Variants in TLE2 observed in about 807,000 individuals in gnomAD.
TLE2 encodes the protein transducin-like enhancer protein 2.
A neutral mutation model predicts 97.2 loss-of-function variants in TLE2; 74 were observed. That is an observed-to-expected ratio of 0.76 (90% CI 0.63 to 0.92). The LOEUF (loss-of-function observed/expected upper bound fraction) is 0.92, where lower values mean the gene tolerates loss of function less well. Ranked by LOEUF, TLE2 falls within the 40% of genes least tolerant of loss-of-function variation. The probability of loss-of-function intolerance (pLI) is 0.00; values close to 1 mark genes in which losing one functional copy is unlikely to be tolerated. For missense variants in TLE2, 1,038 were observed against 1,008.7 expected (o/e 1.03, Z -0.39); for synonymous variants, 499 against 432.1 (o/e 1.15, Z -1.92).
At chr19:3,036,094 G>A (rs890502346) in intron 1 of TLE2, among the ~76,000 whole-genome samples, 1 of 152,248 alleles carries the variant, frequency 6.6e-6, no homozygotes, top group East Asian at 1.9e-4. Flanking sequence ...GCGAAGAGCT[G>A]AAGCTCTTAC....
chr19:3,012,107 G>A (rs10414425), intron 11 of TLE2, among the ~76,000 whole-genome samples: 33,608 of 151,808 alleles, frequency 0.22, 3,806 homozygotes, highest in Admixed American at 0.25. Context: ...TTAGCCAGGC[G>A]TGGTGGCACG....
At chr19:3,010,750 G>A (rs2089577619) in intron 12 of TLE2, among the ~76,000 whole-genome samples, 1 of 152,174 alleles carries the variant, frequency 6.6e-6, no homozygotes, top group Non-Finnish European at 1.5e-5. Flanking sequence ...ACCCAAGTCT[G>A]TCTGGCCCCA....
chr19:3,019,580 C>G lies in TLE2; in HGVS notation c.370-117G>C, dbSNP rs564303197. On this transcript the variant is annotated intron_variant, in intron 6 of 19. Transcript: ENST00000262953. The surrounding 1 kb of genome is among the most constrained non-coding windows in gnomAD (Gnocchi z 5.1). ...AAGCACAGCATGTGCCCCTGGGGTT[C>G]CCAGGACCACTGGAGCCAAGGCCCA... is the stretch of plus-strand genomic sequence containing the variant. 2.9e-5 allele frequency: 43 copies of G among 1,507,440 alleles called. No individual in the cohort carries two copies. The African/African-American group carries it at 4.4e-4, about 15-fold the overall frequency. The allele number at this position is 1,507,440 out of a possible 1,614,324, so 93.4% of individuals were successfully genotyped here. A position where few individuals can be genotyped will look rare whatever the true frequency, so the allele number is the denominator to read the frequency against.
At chr19:3,004,925 C>T (rs2145123702) in intron 17 of TLE2, among the ~76,000 whole-genome samples, 1 of 152,112 alleles carries the variant, frequency 6.6e-6, no homozygotes, top group South Asian at 2.1e-4. Context: ...CTTTGCCCAG[C>T]CCTGAGGAGC....
rs1251104788 is a variant in TLE2 at position 3,005,958 on chromosome 19, T to C, written c.1511A>G (p.Asn504Ser). The C allele has an allele frequency of 6.2e-7, 1 of 1,610,346 alleles. No individual in the cohort carries two copies. Among genetic ancestry groups the C allele is most frequent in the African/African-American group, 1.3e-5 (1 of 74,936 alleles). The stretch of plus-strand genomic sequence containing the variant: ...CAGCAACTTGCAGGAACGAATGTAG[T>C]TGTCTCGGTTCTGGGGTCGGGGAGA... ...VAQLDCLNRD[N>S]YIRSCKLLPD... is the part of the protein sequence containing the mutation. The change falls in exon 16 of 20, where the codon AAC becomes AGC. Residue 504 changes from asparagine to serine, a missense_variant. Transcript: ENST00000262953.
rs1028387610 is a variant in TLE2, at chr19:3,025,370, G to A, written c.232-288C>T. ...CACCCGCCAGACGCACACCCGCCAG[G>A]GATTTGCAGGAGGCAGACGCTCAGA... On this transcript the variant is annotated intron_variant, in intron 4 of 19. Coordinates refer to ENST00000262953, the MANE Select transcript of TLE2 (RefSeq NM_003260.5). The A allele has an allele frequency of 9.1e-6, 11 of 1,211,756 alleles. No homozygotes were observed. In the African/African-American group the frequency reaches 1.4e-4, roughly 16 times the overall value. 75.1% of individuals were successfully genotyped at this position (1,211,756 alleles called of 1,614,324 possible).
Position 3,019,046 on chromosome 19 carries a change from G to A in TLE2, c.550+237C>T, listed in dbSNP as rs935248204. ...CCTAAGTACCTGGGAATACAGGTGTGCACCATCCCACCCAGCAAATTTTTA... is the reference window on the plus strand; with the variant it reads ...CCTAAGTACCTGGGAATACAGGTGTACACCATCCCACCCAGCAAATTTTTA... On this transcript the variant is annotated intron_variant, in intron 7 of 19. Coordinates refer to ENST00000262953, the MANE Select transcript of TLE2 (RefSeq NM_003260.5). The surrounding 1 kb of genome is among the most constrained non-coding windows in gnomAD (Gnocchi z 5.1). Among the ~76,000 whole-genome samples, 2 of 152,072 alleles carry A rather than the reference G, an allele frequency of 1.3e-5. No homozygotes were observed. Among genetic ancestry groups the A allele is most frequent in the Admixed American group, 6.5e-5 (1 of 15,280 alleles).
Position 3,006,677 on chromosome 19 carries a change from G to C in TLE2, c.1251-8C>G. On this transcript the variant is annotated splice_polypyrimidine_tract_variant and splice_region_variant and intron_variant, in intron 14 of 19. Transcript: ENST00000262953. ...ACGTGGAAGGAGTAGGCCCTGGAGA[G>C]AAAGCCGGGGCATGACCCAGCCCTG... The C allele has an allele frequency of 6.3e-7, 1 of 1,579,246 alleles. No homozygotes were observed. Among genetic ancestry groups the C allele is most frequent in the Non-Finnish European group, 8.6e-7 (1 of 1,160,142 alleles).
chr19:3,029,443 T>C, upstream of TLE2: 1 of 942,880 alleles, frequency 1.1e-6, no homozygotes, highest in Non-Finnish European at 1.3e-6. Context: ...TTGGGGAAAC[T>C]GAGGCCGGGT....
chr19:3,030,228 G>T (rs1195614436), upstream of TLE2, among the ~76,000 whole-genome samples: 2 of 152,198 alleles, frequency 1.3e-5, no homozygotes, highest in Admixed American at 1.3e-4. Flanking sequence ...CTCTCAGACT[G>T]GGTTTCTTGA....
At chr19:3,025,593 A>G in intron 4 of TLE2, 1 of 985,042 alleles carries the variant, frequency 1.0e-6, no homozygotes. Flanking sequence ...TCAGCACGCC[A>G]CACTCAAGGG....
At chr19:3,020,878 G>A (rs1428173295) in intron 5 of TLE2, among the ~76,000 whole-genome samples, 1 of 151,810 alleles carries the variant, frequency 6.6e-6, no homozygotes, top group Non-Finnish European at 1.5e-5. Flanking sequence ...TTGAGGTCAG[G>A]AGTTCAAGAC....
rs1344676438 is a variant in TLE2 at position 3,006,631 on chromosome 19, T to C, written c.1289A>G (p.Gln430Arg). The change falls in exon 15 of 20, where the codon CAG becomes CGG. Residue 430 changes from glutamine to arginine, a missense_variant. Coordinates refer to ENST00000262953, the MANE Select transcript of TLE2 (RefSeq NM_003260.5). ...SFHVSADGQMQPVPFPSDALV... is the reference protein window; with the variant it reads ...SFHVSADGQMRPVPFPSDALV... ...TGCATCCGAGGGGAAGGGAACCGGC[T>C]GCATCTGCCCGTCCGCAGACACGTG... 1.9e-6 allele frequency: 3 copies of C among 1,610,270 alleles called. No individual in the cohort carries two copies. In the South Asian group the frequency reaches 3.3e-5, roughly 18 times the overall value.
intron 11 of TLE2, among the ~76,000 whole-genome samples, chr19:3,012,685 C>G (rs1053546442): frequency 6.6e-6 from 1 of 152,150 alleles, no homozygotes; most frequent in Non-Finnish European, 1.5e-5. Flanking sequence ...TGTCCCTCCC[C>G]AAGGAGAGCT....
chr19:2,999,586 G>A (rs2089304973), intron 19 of TLE2, among the ~76,000 whole-genome samples: 1 of 151,988 alleles, frequency 6.6e-6, no homozygotes, highest in South Asian at 2.1e-4. Context: ...AATTAGCCAG[G>A]TGTGGTGGCG....
intron 5 of TLE2, 114 bp downstream of exon 5, chr19:3,024,906 G>C: frequency 1.1e-6 from 1 of 900,300 alleles, no homozygotes; most frequent in Admixed American, 2.4e-5. Context: ...GTCTCTATCC[G>C]TGCTGCAGGC....
In TLE2 at chr19:3,008,857, C is replaced by T. The variant is rs1413120723; in HGVS notation, c.1250+12G>A. 6.4e-7 allele frequency: 1 copy of T among 1,565,172 alleles called. No homozygotes were observed. The highest frequency in any genetic ancestry group is 1.8e-5 in the Admixed American group (1 of 54,550). ...CGGGACCCCAGGCAGGGAGCCCCAC[C>T]CTGGTACTCACGGCTTTCCCCCAGG... On this transcript the variant is annotated intron_variant, in intron 14 of 19. Coordinates refer to ENST00000262953, the MANE Select transcript of TLE2 (RefSeq NM_003260.5).
At chr19:3,018,295 C>CATTTATTTATTT (rs376936723) in intron 7 of TLE2, among the ~76,000 whole-genome samples, 5 of 151,570 alleles carry the variant, frequency 3.3e-5, no homozygotes, top group African/African-American at 7.3e-5. Flanking sequence ...CCATGCTTGG[C>CATTTATTTATTT]ATTTATTTAT....
chr19:3,036,190 T>C (rs1024809060), intron 1 of TLE2, among the ~76,000 whole-genome samples: 6 of 151,138 alleles, frequency 4.0e-5, no homozygotes, highest in African/African-American at 1.5e-4. Context: ...TGGAGGGGGG[T>C]GGTGCTGGGC....
Sources: gnomAD v4.1 joint callset for allele counts (sites outside exome capture counted in the v4.1 genomes callset) on GRCh38, gnomAD v4.1.1 for gene constraint, Gnocchi (gnomAD v3.1) non-coding constraint, MANE v1.5 for transcripts, NCBI Gene and HGNC (gene_info 2026-07-23, HGNC 2026-07-21) for gene names.